Variants in COL21A1 observed in about 807,000 individuals in gnomAD.
COL21A1 encodes collagen alpha-1(XXI) chain.
Under a neutral mutation model 137.9 loss-of-function variants are expected in COL21A1, and 149 were observed. That is an observed-to-expected ratio of 1.08 (90% CI 0.95 to 1.24). The LOEUF is 1.24. Among genes scored for constraint, COL21A1 ranks in the 50% most tolerant of loss-of-function variants. The pLI is 0.00. For missense variants in COL21A1, 1,167 were observed against 1,158.4 expected (o/e 1.01, Z -0.11); for synonymous variants, 456 against 391.5 (o/e 1.16, Z -1.95).
chr6:56,174,958 A>G (rs1777342378), intron 3 of COL21A1, among the ~76,000 whole-genome samples: 2 of 152,112 alleles, frequency 1.3e-5, no homozygotes, highest in Admixed American at 1.3e-4. Flanking sequence ...ATCATACACC[A>G]TGACCAAATG....
intron 1 of COL21A1, among the ~76,000 whole-genome samples, chr6:56,333,183 A>T (rs1765267995): frequency 7.3e-6 from 1 of 137,758 alleles, no homozygotes; most frequent in Non-Finnish European, 1.6e-5. Flanking sequence ...AGTTTTGATA[A>T]ATATACATAC....
intron 17 of COL21A1, among the ~76,000 whole-genome samples, chr6:56,085,596 T>C (rs1341279968): frequency 6.6e-6 from 1 of 152,136 alleles, no homozygotes; most frequent in Non-Finnish European, 1.5e-5. Context: ...CTCCAGTAGG[T>C]AACTTTTGTC....
chr6:56,267,777 A>G (rs1763427348), intron 1 of COL21A1, among the ~76,000 whole-genome samples: 1 of 134,062 alleles, frequency 7.5e-6, no homozygotes, highest in African/African-American at 2.6e-5. Context: ...AAAAAAGAAG[A>G]AGAAGAAGAA....
chr6:56,226,309 A>G (rs1781190845), intron 1 of COL21A1, among the ~76,000 whole-genome samples: 1 of 152,078 alleles, frequency 6.6e-6, no homozygotes, highest in African/African-American at 2.4e-5. Context: ...AGAAGAGCAA[A>G]GTAACTTTTT....
intron 1 of COL21A1, among the ~76,000 whole-genome samples, chr6:56,388,310 T>A (rs1174897423): frequency 2.0e-5 from 3 of 152,148 alleles, no homozygotes; most frequent in Admixed American, 2.0e-4. Context: ...CAGTACTGCA[T>A]TGGCTTCAGG....
At chr6:56,300,756 T>C (rs1220209199) in intron 1 of COL21A1, among the ~76,000 whole-genome samples, 1 of 152,158 alleles carries the variant, frequency 6.6e-6, no homozygotes, top group African/African-American at 2.4e-5. Flanking sequence ...ATTCAGTCTC[T>C]ATTCAATTGG....
chr6:56,093,827 G>A (rs559954832), intron 17 of COL21A1, among the ~76,000 whole-genome samples: 4 of 152,220 alleles, frequency 2.6e-5, no homozygotes, highest in African/African-American at 9.6e-5. Flanking sequence ...TATATATAAT[G>A]AGGATTTACA....
At chr6:56,157,703 G>T (rs1032686855) in intron 9 of COL21A1, among the ~76,000 whole-genome samples, 5 of 152,118 alleles carry the variant, frequency 3.3e-5, no homozygotes, top group African/African-American at 1.2e-4. Flanking sequence ...TAGACCATGT[G>T]ATCTCTCATG....
chr6:56,141,941 G>A lies in COL21A1; in HGVS notation c.1477C>T (p.Pro493Ser). 1 of 1,547,762 alleles carries A rather than the reference G, an allele frequency of 6.5e-7. No individual in the cohort carries two copies. Among genetic ancestry groups the A allele is most frequent in the Non-Finnish European group, 8.7e-7 (1 of 1,144,210 alleles). The part of the protein sequence containing the change: ...IAGTPGVPGS[P>S]GIQGARGLPG... Reference sequence around the variant, plus strand: ...AGTGGATCACATACTTGTATTCCTGGAGATCCTGGAACACCTGGTGTCCCT... The same window carrying A: ...AGTGGATCACATACTTGTATTCCTGAAGATCCTGGAACACCTGGTGTCCCT... Residue 493 changes from proline to serine, a missense_variant, in exon 11 of 30, where the codon CCA (proline) becomes TCA (serine). Transcript: ENST00000244728.
intron 1 of COL21A1, among the ~76,000 whole-genome samples, chr6:56,260,655 GGAA>G (rs1562028886): frequency 0.017 from 1,055 of 62,676 alleles, 36 homozygotes; most frequent in African/African-American, 0.07. Flanking sequence ...AAGGAAGGAA[GGAA>G]TGAAGGAAGG....
At chr6:56,315,102 T>G (rs1223889381) in intron 1 of COL21A1, among the ~76,000 whole-genome samples, 1 of 152,242 alleles carries the variant, frequency 6.6e-6, no homozygotes, top group South Asian at 2.1e-4. Flanking sequence ...AATACATGAA[T>G]GTAAACTCAA....
intron 1 of COL21A1, among the ~76,000 whole-genome samples, chr6:56,392,774 A>T (rs1302811792): frequency 6.6e-6 from 1 of 152,176 alleles, no homozygotes; most frequent in East Asian, 1.9e-4. Flanking sequence ...AATGCCTAGG[A>T]ATAATCTTAC....
At chr6:56,185,128 C>A (rs1328431375) in intron 1 of COL21A1, among the ~76,000 whole-genome samples, 1 of 149,932 alleles carries the variant, frequency 6.7e-6, no homozygotes, top group East Asian at 2.0e-4. Context: ...AAAAAGAAAC[C>A]AATATCTAAG....
chr6:56,139,968 A>T (rs140660136), intron 12 of COL21A1, among the ~76,000 whole-genome samples: 1 of 152,286 alleles, frequency 6.6e-6, no homozygotes, highest in African/African-American at 2.4e-5. Flanking sequence ...AGCCCAGAAA[A>T]GTCAAGTAAT....
At chr6:56,153,991 G>A (rs1257041772) in intron 10 of COL21A1, among the ~76,000 whole-genome samples, 1 of 152,074 alleles carries the variant, frequency 6.6e-6, no homozygotes. Context: ...CAAAAATATA[G>A]TCCCAATTCC....
chr6:56,316,331 AT>A (rs945908241), intron 1 of COL21A1, among the ~76,000 whole-genome samples: 17 of 152,002 alleles, frequency 1.1e-4, no homozygotes, highest in African/African-American at 4.1e-4. Context: ...GCTAACCAGT[AT>A]TTTTGCACAT....
At chr6:56,096,371 A>C (rs1052336989) in intron 17 of COL21A1, among the ~76,000 whole-genome samples, 2 of 152,178 alleles carry the variant, frequency 1.3e-5, no homozygotes, top group Admixed American at 1.3e-4. Flanking sequence ...CAAAGTAGAC[A>C]CTCAGTAAAT....
rs1774192865 is a variant in COL21A1 at position 56,138,851 on chromosome 6, A to T, written c.1542+2934T>A. 1.3e-5 allele frequency among the ~76,000 whole-genome samples: 2 copies of T among 152,148 alleles called. 1 individual carries two copies. Among genetic ancestry groups the T allele is most frequent in the South Asian group, 4.1e-4 (2 of 4,826 alleles). On this transcript the variant is annotated intron_variant, in intron 12 of 29. Coordinates refer to ENST00000244728, the MANE Select transcript of COL21A1 (RefSeq NM_030820.4). ...AAGATATGTGGTAGAGGAAGTGGGG[A>T]GGTTTGGGTGGTTTCAAATGGATCA...
At chr6:56,088,234 C>T (rs1271596984) in intron 17 of COL21A1, among the ~76,000 whole-genome samples, 2 of 152,054 alleles carry the variant, frequency 1.3e-5, no homozygotes, top group South Asian at 4.1e-4. Flanking sequence ...CATGGTGGCA[C>T]ATGCCTATAA....
Sources: allele counts gnomAD v4.1 joint callset (sites outside exome capture counted in the v4.1 genomes callset), GRCh38; gene constraint gnomAD v4.1.1; transcripts MANE v1.5; gene names NCBI Gene and HGNC (gene_info 2026-07-23, HGNC 2026-07-21).